ZNF557: variants seen among roughly 807,000 people sequenced by gnomAD.
ZNF557 encodes zinc finger protein 557, also known as CTB-25J19.9.
ZNF557 carries 19 observed loss-of-function variants against 21.2 expected under a neutral mutation model. That is an observed-to-expected ratio of 0.90 (90% CI 0.63 to 1.32). ZNF557 has a LOEUF of 1.32. Ranked by LOEUF, ZNF557 falls within the 40% of genes most tolerant of loss-of-function variation. ZNF557 has a pLI of 0.00. For synonymous variants in ZNF557, 207 were observed against 194.8 expected (o/e 1.06, Z -0.52); for missense variants, 487 against 519.8 (o/e 0.94, Z 0.61).
chr19:7,080,496 G>A (rs1008527342), intron 5 of ZNF557, among the ~76,000 whole-genome samples: 1 of 152,152 alleles, frequency 6.6e-6, no homozygotes, highest in African/African-American at 2.4e-5. Flanking sequence ...CATAGGTGTA[G>A]CCTCTTCAGA....
At position 7,086,362 on chromosome 19, in the gene ZNF557, T is replaced by TC. The variant is rs1977846253; in HGVS notation, c.*2618_*2619insC. 2 of 133,240 alleles carry TC rather than the reference T, an allele frequency of 1.5e-5. No individual in the cohort carries two copies. The highest frequency in any genetic ancestry group is 2.5e-4 in the South Asian group (1 of 3,950). 8.3% of individuals were successfully genotyped at this position (133,240 alleles called of 1,614,324 possible). ...AATATAGCAAATACTGTTTCTTTTTTTTTTTTTTTTTTTTTTTGAGACGGA... is the reference window on the plus strand; with the variant it reads ...AATATAGCAAATACTGTTTCTTTTTTCTTTTTTTTTTTTTTTTTGAGACGGA... On this transcript the variant is annotated 3_prime_UTR_variant, in exon 8 of 8. Coordinates refer to ENST00000252840, the MANE Select transcript of ZNF557 (RefSeq NM_024341.3).
Position 7,071,799 on chromosome 19 carries a change from CAAAAAAAAAAAA to C in ZNF557, c.-80+1160_-80+1171del, listed in dbSNP as rs71177147. Among the ~76,000 whole-genome samples the C allele has an allele frequency of 3.8e-3, 208 of 55,032 alleles. 1 individual carries two copies. The highest frequency in any genetic ancestry group is 0.015 in the African/African-American group (187 of 12,814). 36.1% of individuals were successfully genotyped at this position (55,032 alleles called of 152,430 possible). ...TGGGCAACAGAGCAAGACTGCATCT[CAAAAAAAAAAAA>C]AAAAAAAAAAAAAGCTGGGCATGGT... On this transcript the variant is annotated intron_variant, in intron 2 of 7. Transcript: ENST00000252840.
chr19:7,083,513 G>T lies in ZNF557; in HGVS notation c.1062G>T (p.Gly354=). ...AACCCTACACATGTAATGAGTGTGG[G>T]AAATCCTTTACCAATAGCTTTTCTC... ...GEKPYTCNEC[G]KSFTNSFSLT... is the part of the protein sequence containing the mutation. The change falls in exon 8 of 8, where the codon GGG becomes GGT. Residue 354 remains glycine (G), a synonymous_variant. Transcript: ENST00000252840. 6.2e-7 allele frequency: 1 copy of T among 1,614,166 alleles called. No homozygotes were observed. The highest frequency in any genetic ancestry group is 8.5e-7 in the Non-Finnish European group (1 of 1,180,030).
chr19:7,076,048 C>T (rs1977582170), intron 4 of ZNF557, among the ~76,000 whole-genome samples: 1 of 152,146 alleles, frequency 6.6e-6, no homozygotes, highest in Non-Finnish European at 1.5e-5. Flanking sequence ...CATTCACTTA[C>T]CAAGTATTTC....
chr19:7,078,256 T>C (rs532752653), intron 5 of ZNF557, among the ~76,000 whole-genome samples: 1 of 152,296 alleles, frequency 6.6e-6, no homozygotes, highest in Admixed American at 6.5e-5. Context: ...TGATGACTTA[T>C]TTCTCCCTTG....
rs1568412961 is a variant in ZNF557 at position 7,087,201 on chromosome 19, G to GTTTTTTTTTTTTTTTTTTTTT, written c.*3457_*3458insTTTTTTTTTTTTTTTTTTTTT. The GTTTTTTTTTTTTTTTTTTTTT allele has an allele frequency of 2.5e-5, 1 of 40,536 alleles. No homozygotes were observed. Among genetic ancestry groups the GTTTTTTTTTTTTTTTTTTTTT allele is most frequent in the African/African-American group, 8.9e-5 (1 of 11,270 alleles). The allele number at this position is 40,536 out of a possible 1,614,324, so 2.5% of individuals were successfully genotyped here. ...GGACACAAAGCATAGAGTTAAAAGA[G>GTTTTTTTTTTTTTTTTTTTTT]CTTTTTTTTTTTTTTTTTTTTTTTT... On this transcript the variant is annotated 3_prime_UTR_variant, in exon 8 of 8. Transcript: ENST00000252840.
chr19:7,078,216 T>C (rs563868613), intron 5 of ZNF557, among the ~76,000 whole-genome samples: 2 of 152,324 alleles, frequency 1.3e-5, no homozygotes, highest in South Asian at 4.1e-4. Context: ...CCATGGTTTC[T>C]GGTGACAAAT....
intron 5 of ZNF557, among the ~76,000 whole-genome samples, chr19:7,078,323 A>C (rs1977625936): frequency 6.6e-6 from 1 of 152,068 alleles, no homozygotes; most frequent in Admixed American, 6.6e-5. Flanking sequence ...AAGGTATCTC[A>C]GTATGAGTTT....
chr19:7,072,111 GTC>G (rs1216679215), intron 2 of ZNF557, among the ~76,000 whole-genome samples: 1 of 46,868 alleles, frequency 2.1e-5, no homozygotes, highest in African/African-American at 1.1e-4. Context: ...GCGAGACTCC[GTC>G]TCAAAAAAAA....
chr19:7,082,471 G>A (rs1488099827), intron 7 of ZNF557, among the ~76,000 whole-genome samples: 7 of 146,012 alleles, frequency 4.8e-5, no homozygotes, highest in Admixed American at 3.4e-4. Flanking sequence ...TTAAAGGAAA[G>A]TGTCATTTTT....
Position 7,070,608 on chromosome 19 carries a change from C to A in ZNF557, c.-125C>A, listed in dbSNP as rs993435965. 1 of 152,150 alleles carries A rather than the reference C, an allele frequency of 6.6e-6. No homozygotes were observed. Among genetic ancestry groups the A allele is most frequent in the Non-Finnish European group, 1.5e-5 (1 of 68,032 alleles). 9.4% of individuals were successfully genotyped at this position (152,150 alleles called of 1,614,324 possible). A position where few individuals can be genotyped will look rare whatever the true frequency, so the allele number is the denominator to read the frequency against. ...CTCAGATTTGTGTTGAAACCAGCCT[C>A]AAGTTTCACCTATCCTCACTGATCC... is the stretch of plus-strand genomic sequence containing the variant. On this transcript the variant is annotated 5_prime_UTR_variant, in exon 2 of 8. Transcript: ENST00000252840.
chr19:7,076,539 A>G (rs1347363094), intron 5 of ZNF557, 32 bp downstream of exon 5: 1 of 1,603,818 alleles, frequency 6.2e-7, no homozygotes, highest in Admixed American at 1.7e-5. Context: ...CATTTATTTA[A>G]TGACTCAGGA....
At chr19:7,076,116 C>T (rs1977583221) in intron 4 of ZNF557, among the ~76,000 whole-genome samples, 1 of 152,174 alleles carries the variant, frequency 6.6e-6, no homozygotes, top group South Asian at 2.1e-4. Flanking sequence ...GAAATAAGAT[C>T]ATAGGAGCTC....
In ZNF557 at chr19:7,073,602, C is replaced by T. The variant is rs528092837; in HGVS notation, c.-79-1394C>T. 2.6e-5 allele frequency among the ~76,000 whole-genome samples: 4 copies of T among 152,188 alleles called. No individual in the cohort carries two copies. The South Asian group carries it at 6.3e-4, about 24-fold the overall frequency. ...ACCAGATGTCAGAGACACTTGGCAG[C>T]TATATTAACTGGAGGGTGGGGGCTG... On this transcript the variant is annotated intron_variant, in intron 2 of 7. Coordinates refer to ENST00000252840, the MANE Select transcript of ZNF557 (RefSeq NM_024341.3).
intron 5 of ZNF557, among the ~76,000 whole-genome samples, chr19:7,079,596 A>G (rs1977660992): frequency 6.6e-6 from 1 of 152,128 alleles, no homozygotes; most frequent in African/African-American, 2.4e-5. Context: ...TACTTTCAGA[A>G]TATTACAATA....
intron 3 of ZNF557, 131 bp from the exon 4 acceptor site, chr19:7,075,524 A>G: frequency 1.2e-6 from 1 of 843,692 alleles, no homozygotes; most frequent in East Asian, 2.7e-5. Flanking sequence ...CTTGGAGTAG[A>G]GGTGGATGCT....
chr19:7,076,331 C>T (rs1443881821), intron 4 of ZNF557, 50 bp from the exon 5 acceptor site: 1 of 1,613,948 alleles, frequency 6.2e-7, no homozygotes, highest in African/African-American at 1.3e-5. Flanking sequence ...TTCCTGTGCA[C>T]ATTGGTGGGG....
At chr19:7,079,453 G>T (rs1390706816) in intron 5 of ZNF557, among the ~76,000 whole-genome samples, 3 of 151,846 alleles carry the variant, frequency 2.0e-5, no homozygotes, top group Non-Finnish European at 2.9e-5. Context: ...TGTTAGCCAG[G>T]ATGATCTCGA....
chr19:7,075,240 T>C, intron 3 of ZNF557, 135 bp downstream of exon 3: 1 of 1,254,912 alleles, frequency 8.0e-7, no homozygotes, highest in South Asian at 1.2e-5. Flanking sequence ...CCTCCGTGTC[T>C]GATCGGGCGG....
Sources: gnomAD v4.1 joint callset for allele counts (sites outside exome capture counted in the v4.1 genomes callset) on GRCh38, gnomAD v4.1.1 for gene constraint, MANE v1.5 for transcripts, NCBI Gene and HGNC (gene_info 2026-07-23, HGNC 2026-07-21) for gene names.